The following TRAK2 variants were observed in gnomAD, a reference collection of about 807,000 sequenced individuals.
TRAK2 encodes trafficking kinesin protein 2.
TRAK2 carries 81 observed loss-of-function variants against 104.6 expected under a neutral mutation model. The ratio of observed to expected loss-of-function variants is 0.77; its 90% CI spans 0.65 to 0.93. TRAK2 has a LOEUF of 0.93. Ranked by LOEUF, TRAK2 falls within the 40% of genes least tolerant of loss-of-function variation. The pLI is 0.00. For synonymous variants in TRAK2, 406 were observed against 394.4 expected (o/e 1.03, Z -0.35); for missense variants, 1,002 against 1,089.0 (o/e 0.92, Z 1.12).
chr2:201,378,571 A>AT lies in TRAK2; in HGVS notation c.*1971dup, dbSNP rs1224443941. 2.6e-5 allele frequency: 4 copies of AT among 152,154 alleles called. No homozygotes were observed. Among genetic ancestry groups the AT allele is most frequent in the African/African-American group, 9.7e-5 (4 of 41,450 alleles). 9.4% of individuals were successfully genotyped at this position (152,154 alleles called of 1,614,324 possible). ...TTTATGAAATACAAATTCAAATGGT[A>AT]TTTTTTAAAAGTGAATTGGAATATG... On this transcript the variant is annotated 3_prime_UTR_variant, in exon 16 of 16. Transcript: ENST00000332624.
In TRAK2 at chr2:201,389,375, G is replaced by C; in HGVS notation, c.1322C>G (p.Pro441Arg). 1 of 1,614,150 alleles carries C rather than the reference G, an allele frequency of 6.2e-7. No individual in the cohort carries two copies. Among genetic ancestry groups the C allele is most frequent in the Non-Finnish European group, 8.5e-7 (1 of 1,180,030 alleles). Residue 441 changes from proline (P) to arginine (R), a missense_variant, in exon 12 of 16, where the codon CCT becomes CGT. Coordinates refer to ENST00000332624, the MANE Select transcript of TRAK2 (RefSeq NM_015049.3). ...NRSSVIMTAK[P>R]FESGLQQTED... The stretch of plus-strand genomic sequence containing the variant: ...TGTTTGCTGAAGACCAGACTCAAAA[G>C]GTTTTGCTGTCATGATGACACTTGA...
chr2:201,437,527 T>G (rs1328569345), intron 1 of TRAK2, among the ~76,000 whole-genome samples: 1 of 152,192 alleles, frequency 6.6e-6, no homozygotes, highest in African/African-American at 2.4e-5. Flanking sequence ...CTTCTCCCAT[T>G]AAATATTTTT....
chr2:201,389,526 T>C (rs1488162643), intron 11 of TRAK2, 23 bp from the exon 12 acceptor site: 1 of 1,605,906 alleles, frequency 6.2e-7, no homozygotes. Context: ...GAAGTGTTCG[T>C]TATTATCACT....
intron 1 of TRAK2, among the ~76,000 whole-genome samples, chr2:201,439,477 G>A (rs569206082): frequency 6.6e-6 from 1 of 151,526 alleles, no homozygotes; most frequent in Admixed American, 6.6e-5. Context: ...ACATGATAAC[G>A]AGGAAAGTCC....
chr2:201,400,331 A>G (rs1422529134), intron 4 of TRAK2, among the ~76,000 whole-genome samples: 2 of 152,220 alleles, frequency 1.3e-5, no homozygotes, highest in East Asian at 3.9e-4. Context: ...GCTTACAGTA[A>G]TTATTATATA....
chr2:201,416,352 G>A (rs1024850264), intron 2 of TRAK2, among the ~76,000 whole-genome samples: 19 of 151,904 alleles, frequency 1.3e-4, no homozygotes, highest in African/African-American at 4.4e-4. Flanking sequence ...GCTGCAGTGA[G>A]CCATGATCGT....
At chr2:201,411,350 A>T (rs879192894) in intron 2 of TRAK2, 4 of 750,076 alleles carry the variant, frequency 5.3e-6, no homozygotes, top group Middle Eastern at 2.9e-4. Context: ...TATTTTCGGA[A>T]TCACTGCCAG....
At chr2:201,381,795 ATTT>A (rs1332277215) in intron 15 of TRAK2, among the ~76,000 whole-genome samples, 1 of 152,084 alleles carries the variant, frequency 6.6e-6, no homozygotes, top group Non-Finnish European at 1.5e-5. Context: ...GTTAAATTTC[ATTT>A]TCTCAAGAAA....
At chr2:201,430,656 C>T (rs948834915) in intron 1 of TRAK2, among the ~76,000 whole-genome samples, 6 of 152,132 alleles carry the variant, frequency 3.9e-5, no homozygotes, top group Non-Finnish European at 7.3e-5. Context: ...TCCTGGTGTG[C>T]CCTTTGCTAA....
At position 201,407,610 on chromosome 2, in the gene TRAK2, G is replaced by A. The variant is rs771914061; in HGVS notation, c.92-13C>T. The A allele has an allele frequency of 1.2e-6, 2 of 1,600,406 alleles. No homozygotes were observed. The highest frequency in any genetic ancestry group is 2.7e-5 in the African/African-American group (2 of 74,178). ...TTGGAGCAGACATCTAAAGAGGAGA[G>A]TCTATGTAAATGAATCCAATATATT... On this transcript the variant is annotated splice_polypyrimidine_tract_variant and intron_variant, in intron 2 of 15. Coordinates refer to ENST00000332624, the MANE Select transcript of TRAK2 (RefSeq NM_015049.3).
chr2:201,407,480 G>A lies in TRAK2; in HGVS notation c.209C>T (p.Thr70Ile), dbSNP rs745310814. ...ATGCTGCCGCTGGTGTGGAGACTGA[G>A]TCCAGTCTTGATTTTCATATAGAAA... is the stretch of plus-strand genomic sequence containing the variant. ...TLFLYENQDW[T>I]QSPHQRQHAS... The change falls in exon 3 of 16, where the codon ACT becomes ATT. Residue 70 changes from threonine to isoleucine, a missense_variant. Coordinates refer to ENST00000332624, the MANE Select transcript of TRAK2 (RefSeq NM_015049.3). 6.2e-7 allele frequency: 1 copy of A among 1,613,896 alleles called. No homozygotes were observed. Among genetic ancestry groups the A allele is most frequent in the African/African-American group, 1.3e-5 (1 of 74,922 alleles).
intron 3 of TRAK2, among the ~76,000 whole-genome samples, chr2:201,406,120 C>G (rs921689713): frequency 6.6e-6 from 1 of 152,146 alleles, no homozygotes; most frequent in East Asian, 1.9e-4. Context: ...CAAACTAAAA[C>G]GTCAAGAAAG....
intron 2 of TRAK2, chr2:201,410,610 T>C (rs1951637376): frequency 7.8e-7 from 1 of 1,284,450 alleles, no homozygotes; most frequent in African/African-American, 1.5e-5. Flanking sequence ...TTGGTGGCTA[T>C]GCAAAGTTCT....
In TRAK2 at chr2:201,417,608, T is replaced by C. The variant is rs182031409; in HGVS notation, c.91+2809A>G. ...ATCTTCTCAATTTAATATAGGGTAT[T>C]GTCAAGAGACTTAATGGTCAAATAC... is the stretch of plus-strand genomic sequence containing the variant. On this transcript the variant is annotated intron_variant, in intron 2 of 15. Transcript: ENST00000332624. Among the ~76,000 whole-genome samples, 21 of 152,332 alleles carry C rather than the reference T, an allele frequency of 1.4e-4. No individual in the cohort carries two copies. The East Asian group carries it at 3.9e-3, about 28-fold the overall frequency.
At chr2:201,390,488 C>T (rs576114045) in intron 10 of TRAK2, among the ~76,000 whole-genome samples, 11 of 144,842 alleles carry the variant, frequency 7.6e-5, no homozygotes, top group South Asian at 2.2e-4. Flanking sequence ...GACGTGAACC[C>T]GGGAGGCAGA....
chr2:201,406,212 GAT>G (rs1951593583), intron 3 of TRAK2, among the ~76,000 whole-genome samples: 1 of 152,148 alleles, frequency 6.6e-6, no homozygotes, highest in Non-Finnish European at 1.5e-5. Flanking sequence ...TGGGCTTCTT[GAT>G]ATTTTAGTTT....
intron 2 of TRAK2, among the ~76,000 whole-genome samples, chr2:201,414,174 C>T (rs1192112910): frequency 1.3e-5 from 2 of 152,128 alleles, no homozygotes; most frequent in African/African-American, 4.8e-5. Flanking sequence ...CACCCCCACC[C>T]CCATCTCTGA....
chr2:201,429,631 C>T (rs1229479673), intron 1 of TRAK2, among the ~76,000 whole-genome samples: 1 of 152,170 alleles, frequency 6.6e-6, no homozygotes, highest in African/African-American at 2.4e-5. Context: ...ATGAGTGATA[C>T]CCTTTCTTCC....
chr2:201,392,870 A>G, intron 10 of TRAK2, 39 bp downstream of exon 10: 1 of 1,577,524 alleles, frequency 6.3e-7, no homozygotes, highest in Non-Finnish European at 8.6e-7. Context: ...ATCTTAAACA[A>G]ATTTCTTTAA....
Sources: allele counts gnomAD v4.1 joint callset (sites outside exome capture counted in the v4.1 genomes callset), GRCh38; gene constraint gnomAD v4.1.1; transcripts MANE v1.5; gene names NCBI Gene and HGNC (gene_info 2026-07-23, HGNC 2026-07-21).